The following TMEM108 variants were observed in gnomAD, a reference collection of about 807,000 sequenced individuals.
TMEM108 encodes transmembrane protein 108.
TMEM108 carries 12 observed loss-of-function variants against 35.1 expected under a neutral mutation model. The observed-to-expected ratio is 0.34, with a 90% CI of 0.22 to 0.55. The LOEUF is 0.55. Among genes scored for constraint, TMEM108 ranks in the 20% least tolerant of loss-of-function variants. The pLI, the probability that TMEM108 is intolerant of heterozygous loss-of-function variation, is 0.89. For synonymous variants in TMEM108, 287 were observed against 308.6 expected, an observed-to-expected ratio of 0.93 and a Z score of 0.73; for missense variants, 680 against 753.3, an observed-to-expected ratio of 0.90 and a Z score of 1.14.
intron 3 of TMEM108, among the ~76,000 whole-genome samples, chr3:133,309,525 T>A (rs1366633295): frequency 1.3e-5 from 2 of 152,116 alleles, no homozygotes; most frequent in African/African-American, 2.4e-5. Flanking sequence ...CTCTACACAC[T>A]GCTTTAAATG....
intron 2 of TMEM108, among the ~76,000 whole-genome samples, chr3:133,198,346 T>C (rs892775826): frequency 1.1e-4 from 15 of 136,442 alleles, no homozygotes; most frequent in African/African-American, 3.9e-4. Flanking sequence ...GGAGAAGCTT[T>C]CTTTATACCA....
chr3:133,360,392 T>G (rs1187735103), intron 3 of TMEM108, among the ~76,000 whole-genome samples: 4 of 152,112 alleles, frequency 2.6e-5, no homozygotes, highest in Non-Finnish European at 5.9e-5. Context: ...AAATGTCTCT[T>G]AAAAGGGAAC....
chr3:133,308,755 C>T (rs1359847245), intron 3 of TMEM108, among the ~76,000 whole-genome samples: 3 of 152,146 alleles, frequency 2.0e-5, no homozygotes, highest in Admixed American at 1.3e-4. Flanking sequence ...CTGCTGGATT[C>T]GGTTTGCCAG....
chr3:133,165,721 G>C (rs565835709), intron 2 of TMEM108, among the ~76,000 whole-genome samples: 2 of 152,326 alleles, frequency 1.3e-5, no homozygotes, highest in Admixed American at 1.3e-4. Flanking sequence ...GAGGAGGTGC[G>C]TTTGGGATAG....
chr3:133,394,894 A>T (rs2073284076), intron 5 of TMEM108, among the ~76,000 whole-genome samples: 3 of 152,282 alleles, frequency 2.0e-5, no homozygotes, highest in African/African-American at 7.2e-5. Flanking sequence ...AATTGTGGCT[A>T]AGCAAATCTG....
chr3:133,238,590 G>A (rs1042906016), intron 3 of TMEM108, among the ~76,000 whole-genome samples: 4 of 152,166 alleles, frequency 2.6e-5, no homozygotes, highest in African/African-American at 9.7e-5. Context: ...AAACCCATCT[G>A]TAGTTCTAGC....
chr3:133,383,316 C>T (rs1006852210), intron 4 of TMEM108, among the ~76,000 whole-genome samples: 4 of 152,308 alleles, frequency 2.6e-5, no homozygotes, highest in African/African-American at 7.2e-5. Context: ...TCCAGCTGTC[C>T]TCCACACCTT....
chr3:133,113,217 G>A (rs1385622078), intron 2 of TMEM108, among the ~76,000 whole-genome samples: 1 of 152,160 alleles, frequency 6.6e-6, no homozygotes, highest in Non-Finnish European at 1.5e-5. Context: ...TATCCGATAG[G>A]TGTTAGAGGC....
chr3:133,368,274 ACTC>A (rs1168008215), intron 3 of TMEM108, among the ~76,000 whole-genome samples: 12 of 151,796 alleles, frequency 7.9e-5, no homozygotes. Flanking sequence ...CCTAACAAAA[ACTC>A]CTATTTGTCC....
chr3:133,072,451 GATAAT>G (rs1029712880), intron 2 of TMEM108, among the ~76,000 whole-genome samples: 92 of 151,874 alleles, frequency 6.1e-4, no homozygotes, highest in Middle Eastern at 3.4e-3. Flanking sequence ...AATTATTAAG[GATAAT>G]ATAATATAAA....
intron 2 of TMEM108, among the ~76,000 whole-genome samples, chr3:133,215,006 C>T (rs570692587): frequency 1.3e-5 from 2 of 152,174 alleles, no homozygotes; most frequent in East Asian, 3.9e-4. Flanking sequence ...TTGGGGGCTG[C>T]TATTGTATAT....
chr3:133,216,225 G>A (rs1945906458), intron 2 of TMEM108, among the ~76,000 whole-genome samples: 1 of 152,044 alleles, frequency 6.6e-6, no homozygotes, highest in Non-Finnish European at 1.5e-5. Flanking sequence ...CATTTTTAGT[G>A]TTCTATGAAA....
At chr3:133,210,797 A>T (rs376588776) in intron 2 of TMEM108, among the ~76,000 whole-genome samples, 2 of 152,296 alleles carry the variant, frequency 1.3e-5, no homozygotes, top group South Asian at 2.1e-4. Context: ...TGTCTGTTTA[A>T]TATTGGCCCA....
intron 3 of TMEM108, among the ~76,000 whole-genome samples, chr3:133,290,003 G>A (rs992366563): frequency 6.6e-6 from 1 of 152,200 alleles, no homozygotes; most frequent in East Asian, 1.9e-4. Context: ...GCAGATGGGG[G>A]CATATAGCAG....
intron 2 of TMEM108, among the ~76,000 whole-genome samples, chr3:133,083,655 G>A (rs1576309724): frequency 6.6e-6 from 1 of 152,108 alleles, no homozygotes; most frequent in East Asian, 1.9e-4. Context: ...CTGAAGTAAT[G>A]TTTTATTTTT....
intron 2 of TMEM108, among the ~76,000 whole-genome samples, chr3:133,201,225 C>T (rs1050164739): frequency 3.9e-5 from 6 of 152,110 alleles, no homozygotes; most frequent in African/African-American, 9.7e-5. Context: ...ATTTTAGACT[C>T]ATCCCCACTC....
At chr3:133,047,172 G>T (rs1943350251) in intron 2 of TMEM108, among the ~76,000 whole-genome samples, 1 of 152,206 alleles carries the variant, frequency 6.6e-6, no homozygotes, top group African/African-American at 2.4e-5. Context: ...GCAGCCCGAT[G>T]CAGACTATAG....
At chr3:133,228,173 A>G (rs898984305) in intron 2 of TMEM108, among the ~76,000 whole-genome samples, 3 of 142,980 alleles carry the variant, frequency 2.1e-5, no homozygotes, top group African/African-American at 7.9e-5. Context: ...AATTTTATGT[A>G]TGAGTTATAT....
chr3:133,073,544 CT>C (rs1943704932), intron 2 of TMEM108, among the ~76,000 whole-genome samples: 1 of 93,028 alleles, frequency 1.1e-5, no homozygotes, highest in Non-Finnish European at 2.1e-5. Flanking sequence ...ATCACATTTT[CT>C]TTATCCATTT....
Sources: allele counts gnomAD v4.1 joint callset (sites outside exome capture counted in the v4.1 genomes callset), GRCh38; gene constraint gnomAD v4.1.1; transcripts MANE v1.5; gene names NCBI Gene and HGNC (gene_info 2026-07-23, HGNC 2026-07-21).